CYP2C19: variants seen among roughly 807,000 people sequenced by gnomAD.
CYP2C19 encodes the protein cytochrome P450 2C19.
A neutral mutation model predicts 40.9 loss-of-function variants in CYP2C19; 59 were observed. The observed-to-expected ratio is 1.44, with a 90% confidence interval of 1.17 to 1.79. CYP2C19 has a LOEUF of 1.79. Among genes scored for constraint, CYP2C19 ranks in the 40% most tolerant of loss-of-function variants. The pLI, the probability that CYP2C19 is intolerant of heterozygous loss-of-function variation, is 0.00. For missense variants in CYP2C19, 754 were observed against 596.9 expected, an observed-to-expected ratio of 1.26 and a Z score of -2.74; for synonymous variants, 253 against 208.7, an observed-to-expected ratio of 1.21 and a Z score of -1.83.
intron 8 of CYP2C19, 131 bp downstream of exon 8, chr10:94,850,189 G>C (rs1589379714): frequency 4.6e-6 from 5 of 1,098,620 alleles, no homozygotes; most frequent in Non-Finnish European, 6.7e-6. Flanking sequence ...TGTTCTGAAT[G>C]CCTGTGTTTT....
At chr10:94,804,475 G>A (rs1461483402) in intron 5 of CYP2C19, among the ~76,000 whole-genome samples, 1 of 152,226 alleles carries the variant, frequency 6.6e-6, no homozygotes, top group East Asian at 1.9e-4. Flanking sequence ...CATATTAAAA[G>A]CAGCATCTTG....
chr10:94,835,229 CCTGA>C (rs1464764073), intron 6 of CYP2C19, among the ~76,000 whole-genome samples: 1 of 151,992 alleles, frequency 6.6e-6, no homozygotes, highest in Non-Finnish European at 1.5e-5. Context: ...CTTCACAGGC[CCTGA>C]CTATCTGCTT....
At chr10:94,824,704 G>T (rs953567267) in intron 6 of CYP2C19, among the ~76,000 whole-genome samples, 85 of 151,686 alleles carry the variant, frequency 5.6e-4, no homozygotes, top group Middle Eastern at 3.4e-3. Context: ...TGTGCACATT[G>T]TGCAGGTTAG....
chr10:94,797,119 G>T (rs1258176881), intron 5 of CYP2C19, among the ~76,000 whole-genome samples: 1 of 152,036 alleles, frequency 6.6e-6, no homozygotes, highest in African/African-American at 2.4e-5. Flanking sequence ...TATGATATTG[G>T]CTGTGCATTT....
At chr10:94,765,039 C>G (rs1848221397) in intron 1 of CYP2C19, among the ~76,000 whole-genome samples, 1 of 152,108 alleles carries the variant, frequency 6.6e-6, no homozygotes, top group African/African-American at 2.4e-5. Flanking sequence ...GAGGTCTAGT[C>G]CTCAGTGGTT....
chr10:94,820,627 A>T lies in CYP2C19; in HGVS notation c.951A>T (p.Pro317=). 6.2e-7 allele frequency: 1 copy of T among 1,614,204 alleles called. No homozygotes were observed. The highest frequency in any genetic ancestry group is 8.5e-7 in the Non-Finnish European group (1 of 1,180,040). Residue 317 remains proline, a synonymous_variant, in exon 6 of 9, where the codon CCA becomes CCT. Transcript: ENST00000371321. ...RYALLLLLKH[P]EVTAKVQEEI... is the part of the protein sequence containing the mutation. ...CTCTCCTTCTCCTGCTGAAGCACCC[A>T]GAGGTCACAGGTATGATCACAGAGG...
intron 6 of CYP2C19, among the ~76,000 whole-genome samples, chr10:94,821,941 C>G (rs1651610236): frequency 6.6e-6 from 1 of 152,074 alleles, no homozygotes; most frequent in Non-Finnish European, 1.5e-5. Context: ...CATCCCTTCT[C>G]TCCCTCCCCT....
At chr10:94,767,583 G>C (rs963366131) in intron 1 of CYP2C19, among the ~76,000 whole-genome samples, 21 of 152,138 alleles carry the variant, frequency 1.4e-4, no homozygotes, top group Non-Finnish European at 1.2e-4. Flanking sequence ...CCCCCCAAAG[G>C]GGCCCTATGA....
At chr10:94,785,713 C>G (rs1848531441) in intron 5 of CYP2C19, among the ~76,000 whole-genome samples, 1 of 152,078 alleles carries the variant, frequency 6.6e-6, no homozygotes, top group African/African-American at 2.4e-5. Context: ...TGGCAAAGAG[C>G]ATCGCGTAAA....
chr10:94,780,645 AC>A lies in CYP2C19; in HGVS notation c.633del (p.Trp212GlyfsTer37), dbSNP rs749601543. On this transcript the variant is annotated frameshift_variant, in exon 4 of 9. Transcript: ENST00000371321. LOFTEE classifies it high-confidence loss of function. ...KLNENIRIVS[T>X]PWIQICNNFP... Reference sequence around the variant, plus strand: ...GAATGAAAACATCAGGATTGTAAGCACCCCCTGGATCCAGGTAAGGCCAAGT... The same window carrying A: ...GAATGAAAACATCAGGATTGTAAGCACCCCTGGATCCAGGTAAGGCCAAGT... 6 of 1,613,616 alleles carry A rather than the reference AC, an allele frequency of 3.7e-6. No individual in the cohort carries two copies. The highest frequency in any genetic ancestry group is 3.4e-6 in the Non-Finnish European group (4 of 1,179,816).
chr10:94,812,563 A>G (rs1352362613), intron 5 of CYP2C19, among the ~76,000 whole-genome samples: 3 of 152,128 alleles, frequency 2.0e-5, no homozygotes, highest in Non-Finnish European at 4.4e-5. Context: ...CTTGGAGGCT[A>G]TGTTCATTTC....
chr10:94,854,486 G>A lies in CYP2C19; in HGVS notation c.*1572G>A, dbSNP rs538414980. ...AACTAAGTATCTTATGTTAAATTAT[G>A]TTCACCACTCTTCCTGTCTTCTACT... On this transcript the variant is annotated 3_prime_UTR_variant, in exon 9 of 9. Transcript: ENST00000371321. 6.6e-6 allele frequency among the ~76,000 whole-genome samples: 1 copy of A among 151,782 alleles called. No individual in the cohort carries two copies. Among genetic ancestry groups the A allele is most frequent in the East Asian group, 1.9e-4 (1 of 5,150 alleles).
Position 94,781,991 on chromosome 10 carries a change from G to A in CYP2C19, c.813G>A (p.Met271Ile), listed in dbSNP as rs778258371. The A allele has an allele frequency of 7.2e-6, 11 of 1,537,100 alleles. No homozygotes were observed. In the East Asian group the frequency reaches 2.3e-4, roughly 33 times the overall value. The change falls in exon 5 of 9, where the codon ATG becomes ATA. Residue 271 changes from methionine (M) to isoleucine (I), a missense_variant. By Grantham distance (10) the Met-to-Ile change is conservative (BLOSUM62 1). Coordinates refer to ENST00000371321, the MANE Select transcript of CYP2C19 (RefSeq NM_000769.4). ...RDFIDCFLIK[M>I]EKEKQNQQSE... ...TTATTGATTGCTTCCTGATCAAAATGGAGAAGGTAAAATGTTAACAAAAGC... is the reference window on the plus strand; with the variant it reads ...TTATTGATTGCTTCCTGATCAAAATAGAGAAGGTAAAATGTTAACAAAAGC...
intron 8 of CYP2C19, among the ~76,000 whole-genome samples, chr10:94,850,987 T>C (rs887437122): frequency 2.0e-5 from 3 of 152,170 alleles, no homozygotes; most frequent in Non-Finnish European, 2.9e-5. Flanking sequence ...ATGTCTGCTT[T>C]ATATGTGGCA....
At chr10:94,814,109 T>C (rs994829045) in intron 5 of CYP2C19, among the ~76,000 whole-genome samples, 90 of 151,044 alleles carry the variant, frequency 6.0e-4, no homozygotes, top group Non-Finnish European at 4.6e-4. Context: ...CTCCATGCAC[T>C]GCACCTACTG....
intron 3 of CYP2C19, chr10:94,775,882 A>T (rs1848401293): frequency 8.9e-6 from 3 of 337,460 alleles, no homozygotes; most frequent in Non-Finnish European, 1.7e-5. Flanking sequence ...CTATTCCAGA[A>T]CATGTCACCA....
At chr10:94,776,045 A>G (rs1848403821) in intron 3 of CYP2C19, 1 of 162,518 alleles carries the variant, frequency 6.2e-6, no homozygotes, top group Non-Finnish European at 1.4e-5. Flanking sequence ...CATGCTTGCC[A>G]TTCTGGCCAG....
intron 5 of CYP2C19, among the ~76,000 whole-genome samples, chr10:94,786,225 A>G (rs1051354444): frequency 1.3e-5 from 2 of 152,062 alleles, no homozygotes; most frequent in Non-Finnish European, 2.9e-5. Context: ...CTTCATCACC[A>G]TGTAGTTGCA....
chr10:94,799,335 C>G (rs1183565640), intron 5 of CYP2C19, among the ~76,000 whole-genome samples: 2 of 151,692 alleles, frequency 1.3e-5, no homozygotes, highest in Non-Finnish European at 2.9e-5. Flanking sequence ...TTGGCCCTCA[C>G]TCTCTTTTGG....
Sources: gnomAD v4.1 joint callset for allele counts (sites outside exome capture counted in the v4.1 genomes callset) on GRCh38, gnomAD v4.1.1 for gene constraint, MANE v1.5 for transcripts, NCBI Gene and HGNC (gene_info 2026-07-23, HGNC 2026-07-21) for gene names.